The following SPTLC1 variants were observed in gnomAD, a reference collection of about 807,000 sequenced individuals.
SPTLC1 encodes the protein serine palmitoyltransferase 1.
In SPTLC1, 55 loss-of-function variants were observed where a neutral mutation model predicts 68.9. That is an observed-to-expected ratio of 0.80 (90% CI 0.64 to 1.00). The LOEUF (loss-of-function observed/expected upper bound fraction) is 1.00, where lower values mean the gene tolerates loss of function less well. Among genes scored for constraint, SPTLC1 ranks in the 50% least tolerant of loss-of-function variants. The probability of loss-of-function intolerance (pLI) is 0.00; values close to 1 mark genes in which losing one functional copy is unlikely to be tolerated. For synonymous variants in SPTLC1, 197 were observed against 201.6 expected (o/e 0.98, Z 0.19); for missense variants, 449 against 573.1 (o/e 0.78, Z 2.21).
chr9:92,086,822 A>T (rs1835157078), intron 3 of SPTLC1, among the ~76,000 whole-genome samples: 1 of 152,164 alleles, frequency 6.6e-6, no homozygotes, highest in Non-Finnish European at 1.5e-5. Flanking sequence ...CTCCTGGATA[A>T]TATCCTGCAG....
In SPTLC1 at chr9:92,032,560, T is replaced by C. The variant is rs751086558; in HGVS notation, c.1329-2A>G. 6.2e-7 allele frequency: 1 copy of C among 1,613,930 alleles called. No individual in the cohort carries two copies. On this transcript the variant is annotated splice_acceptor_variant, in intron 14 of 14. Transcript: ENST00000262554. LOFTEE classifies it high-confidence loss of function. ...TCCACCGTGACCACAACCCGAATGC[T>C]GAGAACAGTAAAGGACACAAAGAAT... is the stretch of plus-strand genomic sequence containing the variant.
rs16936395 is a variant in SPTLC1, at chr9:92,070,905, A to C, written c.428-2807T>G. On this transcript the variant is annotated intron_variant, in intron 5 of 14. Transcript: ENST00000262554. ...TCTAATAAAGCTATGTGAATTCTGA[A>C]TTGTTAAGACTATCTTCCAATAAGA... Among the ~76,000 whole-genome samples the C allele has an allele frequency of 6.8e-3, 1,041 of 152,274 alleles. 11 individuals carry two copies. The highest frequency in any genetic ancestry group is 0.024 in the African/African-American group (989 of 41,538).
At chr9:92,055,259 C>G (rs567059493) in intron 8 of SPTLC1, 146 bp downstream of exon 8, 16 of 1,504,166 alleles carry the variant, frequency 1.1e-5, no homozygotes, top group East Asian at 5.1e-5. Flanking sequence ...CAGTGTTGTT[C>G]TTCTTCCCTG....
intron 3 of SPTLC1, among the ~76,000 whole-genome samples, chr9:92,103,892 C>A (rs1487750765): frequency 3.9e-5 from 6 of 152,242 alleles, no homozygotes; most frequent in African/African-American, 1.4e-4. Context: ...ATCAGCCCCG[C>A]ACCCCCAACA....
chr9:92,047,560 A>G, intron 10 of SPTLC1, 53 bp downstream of exon 10: 1 of 1,176,726 alleles, frequency 8.5e-7, no homozygotes. Flanking sequence ...TTTTGAGGTG[A>G]CCAATGGAGA....
intron 9 of SPTLC1, among the ~76,000 whole-genome samples, chr9:92,048,226 A>C (rs977514424): frequency 2.0e-5 from 3 of 152,172 alleles, no homozygotes; most frequent in African/African-American, 7.2e-5. Context: ...GAAGAACCTA[A>C]TGTGCTCTAA....
intron 3 of SPTLC1, among the ~76,000 whole-genome samples, chr9:92,083,510 A>G (rs142473364): frequency 0.071 from 10,760 of 152,208 alleles, 435 homozygotes; most frequent in African/African-American, 0.097. Flanking sequence ...CCTTTCCCCA[A>G]TGCTTGATTT....
chr9:92,100,970 G>C (rs1326719825), intron 3 of SPTLC1, among the ~76,000 whole-genome samples: 2 of 151,896 alleles, frequency 1.3e-5, no homozygotes, highest in East Asian at 3.9e-4. Flanking sequence ...CTCTACATAA[G>C]CCACTCTATA....
rs771211956 is a variant in SPTLC1 at position 92,032,504 on chromosome 9, C to T, written c.1383G>A (p.Ala461=). 1.7e-5 allele frequency: 27 copies of T among 1,614,060 alleles called. 1 individual carries two copies. The East Asian group carries it at 3.8e-4, about 23-fold the overall frequency. The change falls in exon 15 of 15, where the codon GCG becomes GCA. Residue 461 remains alanine, a synonymous_variant. Coordinates refer to ENST00000262554, the MANE Select transcript of SPTLC1 (RefSeq NM_006415.4). ...EQTEEELERA[A]STIKEVAQAV... ...CCTGGGCTACCTCCTTGATGGTGGA[C>T]GCAGCTCTCTCCAGTTCTTCCTCTG...
intron 3 of SPTLC1, among the ~76,000 whole-genome samples, chr9:92,100,693 G>A (rs2118785081): frequency 6.6e-6 from 1 of 152,086 alleles, no homozygotes; most frequent in African/African-American, 2.4e-5. Flanking sequence ...CAGTAACACA[G>A]TCACTAGATA....
chr9:92,063,252 A>C (rs1010317843), intron 6 of SPTLC1, among the ~76,000 whole-genome samples: 1 of 152,194 alleles, frequency 6.6e-6, no homozygotes, highest in African/African-American at 2.4e-5. Context: ...CCACACATGT[A>C]CATCTGACAA....
intron 13 of SPTLC1, among the ~76,000 whole-genome samples, chr9:92,035,221 G>A (rs1449802440): frequency 6.6e-6 from 1 of 152,190 alleles, no homozygotes; most frequent in Non-Finnish European, 1.5e-5. Context: ...GCTAGCTAGT[G>A]ACTACCATTT....
At chr9:92,088,380 G>C (rs561472316) in intron 3 of SPTLC1, among the ~76,000 whole-genome samples, 213 of 152,328 alleles carry the variant, frequency 1.4e-3, no homozygotes, top group Non-Finnish European at 2.5e-3. Flanking sequence ...TTCCTATTCG[G>C]CTATCTTGGC....
At chr9:92,047,375 G>T in intron 10 of SPTLC1, 107 bp from the exon 11 acceptor site, 1 of 935,178 alleles carries the variant, frequency 1.1e-6, no homozygotes, top group Non-Finnish European at 1.7e-6. Flanking sequence ...TGTACATGTG[G>T]TGAGGGGGGT....
At chr9:92,059,481 C>A (rs376633312) in intron 6 of SPTLC1, among the ~76,000 whole-genome samples, 173 bp from the exon 7 acceptor site, 2 of 152,300 alleles carry the variant, frequency 1.3e-5, no homozygotes, top group African/African-American at 4.8e-5. Flanking sequence ...ATCCATGAGT[C>A]CTTTTCACAT....
At chr9:92,102,773 A>T (rs112887350) in intron 3 of SPTLC1, among the ~76,000 whole-genome samples, 2 of 152,222 alleles carry the variant, frequency 1.3e-5, no homozygotes, top group Non-Finnish European at 2.9e-5. Context: ...ACCAGAAAAC[A>T]ATTAACAAAA....
chr9:92,032,875 C>CAA (rs11355920), intron 14 of SPTLC1, among the ~76,000 whole-genome samples: 4 of 109,700 alleles, frequency 3.6e-5, no homozygotes, highest in Admixed American at 1.8e-4. Flanking sequence ...GACTCTGTCT[C>CAA]AAAAAAAAAA....
intron 3 of SPTLC1, among the ~76,000 whole-genome samples, chr9:92,090,721 A>G (rs982231244): frequency 1.1e-4 from 16 of 151,954 alleles, no homozygotes; most frequent in Non-Finnish European, 1.5e-5. Context: ...GACTAAAGGC[A>G]AGGGAAAAAA....
intron 7 of SPTLC1, among the ~76,000 whole-genome samples, chr9:92,055,753 C>T (rs1328857509): frequency 6.6e-6 from 1 of 152,186 alleles, no homozygotes; most frequent in African/African-American, 2.4e-5. Flanking sequence ...AATATTAAAA[C>T]ACAAACAAAA....
Sources: allele counts gnomAD v4.1 joint callset (sites outside exome capture counted in the v4.1 genomes callset), GRCh38; gene constraint gnomAD v4.1.1; transcripts MANE v1.5; gene names NCBI Gene and HGNC (gene_info 2026-07-23, HGNC 2026-07-21).